Variants in PAH observed in about 807,000 individuals in gnomAD.
PAH encodes the protein phenylalanine hydroxylase, also known as phenylalanine-4-hydroxylase.
Under a neutral mutation model 62.0 loss-of-function variants are expected in PAH, and 64 were observed. The observed-to-expected ratio is 1.03, with a 90% CI of 0.84 to 1.27. PAH has a LOEUF of 1.27. PAH is among the 50% of genes most tolerant of loss of function. PAH has a pLI of 0.00. For synonymous variants in PAH, 195 were observed against 196.2 expected, an observed-to-expected ratio of 0.99 and a Z score of 0.05; for missense variants, 579 against 542.8, an observed-to-expected ratio of 1.07 and a Z score of -0.66.
At chr12:102,919,599 C>A (rs933652603), upstream of PAH, among the ~76,000 whole-genome samples, 51 of 152,258 alleles carry the variant, frequency 3.3e-4, no homozygotes, top group African/African-American at 1.1e-3. Flanking sequence ...CAGGCCCCTA[C>A]TACCCTTCCC....
At chr12:102,903,908 G>A (rs1215719874) in intron 2 of PAH, among the ~76,000 whole-genome samples, 1 of 152,074 alleles carries the variant, frequency 6.6e-6, no homozygotes, top group Admixed American at 6.6e-5. Context: ...TTCTCATTTT[G>A]TAGCCCATTA....
At chr12:102,929,561 G>A (rs1360497582) in intron 1 of PAH, among the ~76,000 whole-genome samples, 1 of 152,124 alleles carries the variant, frequency 6.6e-6, no homozygotes, top group African/African-American at 2.4e-5. Flanking sequence ...ATCCTGAGAG[G>A]TGGAGTGCCC....
At chr12:102,840,369 C>G (rs369067810) in intron 12 of PAH, 31 bp downstream of exon 12, 2 of 1,287,200 alleles carry the variant, frequency 1.6e-6, no homozygotes, top group African/African-American at 1.5e-5. Flanking sequence ...ACTGAGAAAC[C>G]GAGTGGCCTC....
intron 4 of PAH, among the ~76,000 whole-genome samples, chr12:102,867,120 A>G (rs1419868289): frequency 6.6e-6 from 1 of 152,230 alleles, no homozygotes; most frequent in Non-Finnish European, 1.5e-5. Flanking sequence ...GATTAAATAC[A>G]TACTATGTGC....
chr12:102,913,298 C>G (rs1450676340), intron 1 of PAH, among the ~76,000 whole-genome samples: 1 of 152,086 alleles, frequency 6.6e-6, no homozygotes, highest in Non-Finnish European at 1.5e-5. Flanking sequence ...ATATAACAAA[C>G]TGAAAGATCC....
At chr12:102,904,700 T>C (rs1877900328) in intron 2 of PAH, 2 of 493,862 alleles carry the variant, frequency 4.0e-6, no homozygotes, top group Non-Finnish European at 4.0e-6. Flanking sequence ...TTTTATAGGG[T>C]CCAGAAATGT....
chr12:102,952,840 A>G (rs1255953574), upstream of PAH, among the ~76,000 whole-genome samples: 1 of 152,226 alleles, frequency 6.6e-6, no homozygotes, highest in African/African-American at 2.4e-5. Flanking sequence ...ATGCAGGTGC[A>G]AGCCTGGCTG....
intron 1 of PAH, chr12:102,923,712 A>G (rs747176508): frequency 6.6e-6 from 1 of 152,182 alleles, no homozygotes; most frequent in Non-Finnish European, 1.5e-5. Flanking sequence ...TACACCTAAG[A>G]TGTCTAAATT....
chr12:102,920,547 C>T (rs374508256), upstream of PAH, among the ~76,000 whole-genome samples: 276 of 152,312 alleles, frequency 1.8e-3, no homozygotes, highest in African/African-American at 6.4e-3. Context: ...TTGAGTTAAT[C>T]ATAATCCATG....
At chr12:102,927,584 T>C (rs1261356539) in intron 1 of PAH, among the ~76,000 whole-genome samples, 2 of 152,050 alleles carry the variant, frequency 1.3e-5, no homozygotes, top group Non-Finnish European at 2.9e-5. Context: ...TTCCAGATAG[T>C]GTGGGGAGAA....
intron 3 of PAH, among the ~76,000 whole-genome samples, chr12:102,888,270 C>A (rs968665225): frequency 6.6e-6 from 1 of 151,988 alleles, no homozygotes; most frequent in South Asian, 2.1e-4. Context: ...GCAACTTGGC[C>A]GAACAGCTAC....
chr12:102,883,301 C>G (rs1876898478), intron 3 of PAH, among the ~76,000 whole-genome samples: 1 of 152,182 alleles, frequency 6.6e-6, no homozygotes, highest in South Asian at 2.1e-4. Flanking sequence ...TTTCTCCTCC[C>G]ACCAGAGAAA....
upstream of PAH, among the ~76,000 whole-genome samples, chr12:102,921,507 C>T (rs1878551431): frequency 6.6e-6 from 1 of 152,102 alleles, no homozygotes. Flanking sequence ...CTTGATTAAA[C>T]AATAAAACAA....
intron 1 of PAH, among the ~76,000 whole-genome samples, chr12:102,924,356 TG>T (rs1205619530): frequency 6.8e-6 from 1 of 146,364 alleles, no homozygotes; most frequent in African/African-American, 2.7e-5. Flanking sequence ...ACTAGACTGA[TG>T]GGTTTTTTTT....
At chr12:102,941,694 C>A (rs1456366483) in intron 1 of PAH, among the ~76,000 whole-genome samples, 1 of 152,048 alleles carries the variant, frequency 6.6e-6, no homozygotes, top group Non-Finnish European at 1.5e-5. Flanking sequence ...GAAAACCACA[C>A]AAAAATAGCA....
At chr12:102,913,990 T>C in intron 1 of PAH, 1 of 627,828 alleles carries the variant, frequency 1.6e-6, no homozygotes, top group East Asian at 2.8e-5. Context: ...TTAATGAAAT[T>C]AATGGAATAG....
At position 102,917,234 on chromosome 12, in the gene PAH, G is replaced by C; in HGVS notation, c.-104C>G. On this transcript the variant is annotated 5_prime_UTR_variant, in exon 1 of 13. Transcript: ENST00000553106. The stretch of plus-strand genomic sequence containing the variant: ...AAGGTTTTAACCTCGCACTAGGGAG[G>C]AGAAGAGAGTTACAAAGGGTGTCTC... 1 of 940,972 alleles carries C rather than the reference G, an allele frequency of 1.1e-6. No homozygotes were observed. The highest frequency in any genetic ancestry group is 1.7e-6 in the Non-Finnish European group (1 of 581,422). The allele number at this position is 940,972 out of a possible 1,614,324, so 58.3% of individuals were successfully genotyped here.
rs746203167 is a variant in PAH at position 102,843,709 on chromosome 12, A to G, written c.1136T>C (p.Val379Ala). ...LEKTAIQNYTVTEFQPLYYVA... is the reference protein window; with the variant it reads ...LEKTAIQNYTATEFQPLYYVA... ...GTAATAGAGGGGCTGGAACTCCGTG[A>G]CAGTGTAATTTTGGATGGCTGTCTT... is the stretch of plus-strand genomic sequence containing the variant. The change falls in exon 11 of 13, where the codon GTC becomes GCC. Residue 379 changes from valine to alanine, a missense_variant. Physicochemically the swap from Val to Ala is moderately conservative, Grantham distance 64. Transcript: ENST00000553106. The G allele has an allele frequency of 1.3e-5, 21 of 1,613,540 alleles. No homozygotes were observed. The East Asian group carries it at 3.3e-4, about 26-fold the overall frequency.
chr12:102,866,455 G>T, intron 5 of PAH, 141 bp downstream of exon 5: 1 of 739,534 alleles, frequency 1.4e-6, no homozygotes, highest in Non-Finnish European at 2.5e-6. Flanking sequence ...ACACATACAC[G>T]CATGCACATG....
Sources: allele counts gnomAD v4.1 joint callset (sites outside exome capture counted in the v4.1 genomes callset), GRCh38; gene constraint gnomAD v4.1.1; transcripts MANE v1.5; gene names NCBI Gene and HGNC (gene_info 2026-07-23, HGNC 2026-07-21).